Variants in CCDC60 observed in about 807,000 individuals in gnomAD.
CCDC60 encodes coiled-coil domain containing 60.
Under a neutral mutation model 63.5 loss-of-function variants are expected in CCDC60, and 54 were observed. That is an observed-to-expected ratio of 0.85 (90% CI 0.68 to 1.07). The LOEUF is 1.07. Ranked by LOEUF, CCDC60 falls within the 50% of genes least tolerant of loss-of-function variation. The pLI, the probability that CCDC60 is intolerant of heterozygous loss-of-function variation, is 0.00. For missense variants in CCDC60, 651 were observed against 684.3 expected (o/e 0.95, Z 0.54); for synonymous variants, 206 against 238.8 (o/e 0.86, Z 1.27).
In CCDC60 at chr12:119,494,128, T is replaced by G. The variant is rs113209180; in HGVS notation, c.557+5262T>G. On this transcript the variant is annotated intron_variant, in intron 5 of 13. Transcript: ENST00000327554. ...TGGTTGTGAACCTGTATTGATTTTATTCTTATTAGAGACCAAATTTCCAAG... is the reference window on the plus strand; with the variant it reads ...TGGTTGTGAACCTGTATTGATTTTAGTCTTATTAGAGACCAAATTTCCAAG... Among the ~76,000 whole-genome samples, 1,126 of 152,334 alleles carry G rather than the reference T, an allele frequency of 7.4e-3. 5 individuals carry two copies. Among genetic ancestry groups the G allele is most frequent in the Middle Eastern group, 0.024 (7 of 294 alleles).
intron 2 of CCDC60, among the ~76,000 whole-genome samples, chr12:119,448,920 G>A (rs76161635): frequency 0.014 from 2,093 of 152,120 alleles, 45 homozygotes; most frequent in African/African-American, 0.047. Flanking sequence ...TTACACAAAC[G>A]CTGACTCACA....
rs1566019526 is a variant in CCDC60, at chr12:119,456,047, G to GC, written c.171-15947_171-15946insC. On this transcript the variant is annotated intron_variant, in intron 2 of 13. Transcript: ENST00000327554. This position sits in a 1 kb window ranked among gnomAD's most constrained non-coding sequence, Gnocchi z 4.6. Reference sequence around the variant, plus strand: ...AGAAAGAAAGAAAGAAAGAAAGAAAGAAAGAAAGAAAGAAAGCAAGCAAGC... The same window carrying GC: ...AGAAAGAAAGAAAGAAAGAAAGAAAGCAAAGAAAGAAAGAAAGCAAGCAAGC... Among the ~76,000 whole-genome samples the GC allele has an allele frequency of 8.8e-5, 13 of 147,310 alleles. No homozygotes were observed. Among genetic ancestry groups the GC allele is most frequent in the Admixed American group, 2.7e-4 (4 of 14,788 alleles).
chr12:119,401,463 C>T lies in CCDC60; in HGVS notation c.91-27220C>T, dbSNP rs1956390710. ...GATCTACTGCAAGACAAGACGCAAT[C>T]TTGGCCCCGAAGGAGCTCAGATCTA... is the stretch of plus-strand genomic sequence containing the variant. On this transcript the variant is annotated intron_variant, in intron 1 of 13. Transcript: ENST00000327554. 3.3e-5 allele frequency among the ~76,000 whole-genome samples: 5 copies of T among 152,362 alleles called. No homozygotes were observed. In the South Asian group the frequency reaches 1.0e-3, roughly 32 times the overall value.
intron 7 of CCDC60, among the ~76,000 whole-genome samples, chr12:119,514,478 C>T (rs1014865581): frequency 1.3e-5 from 2 of 151,632 alleles, no homozygotes; most frequent in African/African-American, 2.4e-5. Context: ...CATGAGCCAC[C>T]GCATCTGCCC....
intron 3 of CCDC60, among the ~76,000 whole-genome samples, chr12:119,473,233 G>C: frequency 6.6e-6 from 1 of 152,182 alleles, no homozygotes. Flanking sequence ...TTGAGCTTGT[G>C]CAGACTGAAT....
chr12:119,367,947 G>A (rs1363113369), intron 1 of CCDC60, among the ~76,000 whole-genome samples: 3 of 151,848 alleles, frequency 2.0e-5, no homozygotes, highest in African/African-American at 4.8e-5. Context: ...ATTGATCATG[G>A]TGATGGTTGC....
intron 1 of CCDC60, among the ~76,000 whole-genome samples, chr12:119,415,297 A>T (rs1956679468): frequency 6.6e-6 from 1 of 152,226 alleles, no homozygotes; most frequent in South Asian, 2.1e-4. Context: ...GTGAACTGAT[A>T]GCACAAAAGC....
intron 2 of CCDC60, chr12:119,433,727 C>T: frequency 1.6e-6 from 1 of 621,594 alleles, no homozygotes; most frequent in South Asian, 1.9e-5. Flanking sequence ...TTTACTGTCT[C>T]TTGGATTTTT....
intron 7 of CCDC60, among the ~76,000 whole-genome samples, chr12:119,515,639 T>A (rs1439835663): frequency 3.3e-5 from 5 of 151,976 alleles, no homozygotes; most frequent in Non-Finnish European, 7.4e-5. Context: ...AAAATCAATA[T>A]TAAATATGAA....
chr12:119,534,348 A>T (rs908982474), intron 13 of CCDC60, among the ~76,000 whole-genome samples: 1 of 152,196 alleles, frequency 6.6e-6, no homozygotes, highest in Non-Finnish European at 1.5e-5. Context: ...ATATACAATC[A>T]TGTCATCTGC....
chr12:119,407,296 TA>T (rs527870492), intron 1 of CCDC60, among the ~76,000 whole-genome samples: 1 of 151,796 alleles, frequency 6.6e-6, no homozygotes, highest in South Asian at 2.1e-4. Context: ...TACTTGAGGC[TA>T]GGAGTTCAAC....
chr12:119,389,633 A>G (rs1956121845), intron 1 of CCDC60, among the ~76,000 whole-genome samples: 1 of 152,176 alleles, frequency 6.6e-6, no homozygotes, highest in African/African-American at 2.4e-5. Flanking sequence ...CATACTAGAC[A>G]GGCTTAGAAA....
intron 1 of CCDC60, among the ~76,000 whole-genome samples, chr12:119,359,674 C>G (rs1330786678): frequency 6.7e-6 from 1 of 148,242 alleles, no homozygotes; most frequent in African/African-American, 2.4e-5. Context: ...GGCAGAGGAC[C>G]CTGCGGCCTT....
intron 1 of CCDC60, among the ~76,000 whole-genome samples, chr12:119,403,521 C>T (rs1350331246): frequency 6.6e-6 from 1 of 152,168 alleles, no homozygotes; most frequent in Non-Finnish European, 1.5e-5. Flanking sequence ...TTTAATCACC[C>T]AGCTACAAAT....
chr12:119,523,207 C>T (rs572349010), intron 10 of CCDC60, among the ~76,000 whole-genome samples: 97 of 152,314 alleles, frequency 6.4e-4, no homozygotes, highest in Non-Finnish European at 1.0e-3. Context: ...GAAACTCCTC[C>T]GCTGTGCCAG....
intron 2 of CCDC60, among the ~76,000 whole-genome samples, chr12:119,441,120 A>G (rs1181959259): frequency 6.6e-6 from 1 of 152,146 alleles, no homozygotes; most frequent in East Asian, 1.9e-4. Flanking sequence ...CAGATACCCC[A>G]TATTCTGAAA....
Position 119,420,209 on chromosome 12 carries a change from A to G in CCDC60, c.91-8474A>G, listed in dbSNP as rs1379865236. Among the ~76,000 whole-genome samples, 1 of 152,048 alleles carries G rather than the reference A, an allele frequency of 6.6e-6. No homozygotes were observed. Among genetic ancestry groups the G allele is most frequent in the Non-Finnish European group, 1.5e-5 (1 of 68,030 alleles). On this transcript the variant is annotated intron_variant, in intron 1 of 13. Coordinates refer to ENST00000327554, the MANE Select transcript of CCDC60 (RefSeq NM_178499.5). The surrounding 1 kb of genome is among the most constrained non-coding windows in gnomAD (Gnocchi z 4.1). ...AATTCTATAGTATATTTCCTATTTC[A>G]GTTTGAAGGATCTGTGTGTGGATGA...
intron 1 of CCDC60, among the ~76,000 whole-genome samples, chr12:119,418,062 C>T (rs1473288276): frequency 6.6e-6 from 1 of 152,142 alleles, no homozygotes; most frequent in Non-Finnish European, 1.5e-5. Context: ...AATAGTACAA[C>T]AGGCAGTCAA....
intron 2 of CCDC60, among the ~76,000 whole-genome samples, chr12:119,444,472 G>T (rs1448080723): frequency 6.6e-6 from 1 of 152,148 alleles, no homozygotes; most frequent in African/African-American, 2.4e-5. Context: ...TTCAAGTCTC[G>T]CTTCTTTTAT....
Sources: allele counts gnomAD v4.1 joint callset (sites outside exome capture counted in the v4.1 genomes callset), GRCh38; gene constraint gnomAD v4.1.1; non-coding constraint Gnocchi (gnomAD v3.1); transcripts MANE v1.5; gene names NCBI Gene and HGNC (gene_info 2026-07-23, HGNC 2026-07-21).